The following CHD8 variants were observed in gnomAD, a reference collection of about 807,000 sequenced individuals.
The protein encoded by CHD8 is ATP-dependent chromatin remodeler CHD8.
A neutral mutation model predicts 279.2 loss-of-function variants in CHD8; 31 were observed. The ratio of observed to expected loss-of-function variants is 0.11; its 90% CI spans 0.08 to 0.15. The LOEUF is 0.15. Among genes scored for constraint, CHD8 ranks in the 10% least tolerant of loss-of-function variants. CHD8 has a pLI of 1.00. For synonymous variants in CHD8, 1,081 were observed against 1,139.6 expected, an observed-to-expected ratio of 0.95 and a Z score of 1.04; for missense variants, 2,146 against 3,230.5, an observed-to-expected ratio of 0.66 and a Z score of 8.14.
chr14:21,448,842 C>A (rs1453516557), intron 1 of CHD8, among the ~76,000 whole-genome samples: 11 of 149,118 alleles, frequency 7.4e-5, no homozygotes, highest in Admixed American at 6.7e-4. Flanking sequence ...GGATTACAGG[C>A]GTGAGCCACC....
rs1438749908 is a variant in CHD8, at chr14:21,450,383, C to T, written c.-216+5649G>A. 3.9e-5 allele frequency among the ~76,000 whole-genome samples: 6 copies of T among 152,088 alleles called. No homozygotes were observed. In the South Asian group the frequency reaches 1.2e-3, roughly 32 times the overall value. On this transcript the variant is annotated intron_variant, in intron 1 of 37. Coordinates refer to ENST00000646647, the MANE Select transcript of CHD8 (RefSeq NM_001170629.2). ...AACCATATCCCAAAGAAATAATCCC[C>T]AAAGATATAGTGCATCCCCAAAGCA...
chr14:21,443,705 A>G (rs1890041835), intron 1 of CHD8, among the ~76,000 whole-genome samples: 2 of 151,320 alleles, frequency 1.3e-5, no homozygotes, highest in Admixed American at 6.6e-5. Flanking sequence ...AATAACAGAA[A>G]ATTAGCTAGG....
chr14:21,432,693 G>C (rs145107100), intron 1 of CHD8, among the ~76,000 whole-genome samples: 2 of 152,016 alleles, frequency 1.3e-5, no homozygotes, highest in Non-Finnish European at 2.9e-5. Flanking sequence ...ATAATCTCTC[G>C]CAGCTAAAAT....
At chr14:21,426,735 G>T (rs1594374054) in intron 4 of CHD8, 1 of 152,366 alleles carries the variant, frequency 6.6e-6, no homozygotes, top group South Asian at 2.1e-4. Context: ...GAATCCCAGG[G>T]AGTAAAAGCT....
chr14:21,442,699 G>A (rs1178473072), intron 1 of CHD8, among the ~76,000 whole-genome samples: 1 of 93,862 alleles, frequency 1.1e-5, no homozygotes, highest in Non-Finnish European at 2.1e-5. Context: ...GGGAGGGGAG[G>A]AGAGGAGAGG....
chr14:21,393,573 G>A lies in CHD8; in HGVS notation c.6222C>T (p.Asp2074=), dbSNP rs761132189. ...AAGAAGATGGTGACAGCTTGCTCAA[G>A]TCCAGCTCAGAGTCCGAATCATCCT... ...EDEDDSDSEL[D]LSKLSPSSSS... is the part of the protein sequence containing the mutation. Residue 2074 remains aspartate (D), a synonymous_variant, in exon 32 of 38, where the codon GAC becomes GAT. Coordinates refer to ENST00000646647, the MANE Select transcript of CHD8 (RefSeq NM_001170629.2). The A allele has an allele frequency of 1.7e-5, 27 of 1,612,760 alleles. No homozygotes were observed. The highest frequency in any genetic ancestry group is 2.2e-5 in the Non-Finnish European group (26 of 1,179,434).
At chr14:21,443,284 G>C (rs1287001410) in intron 1 of CHD8, among the ~76,000 whole-genome samples, 1 of 151,990 alleles carries the variant, frequency 6.6e-6, no homozygotes, top group East Asian at 1.9e-4. Context: ...CCAGCTACTT[G>C]GGAGGCTGAG....
At position 21,385,691 on chromosome 14, in the gene CHD8, G is replaced by C; in HGVS notation, c.7668C>G (p.Ser2556Arg). 1 of 1,551,924 alleles carries C rather than the reference G, an allele frequency of 6.4e-7. No homozygotes were observed. Among genetic ancestry groups the C allele is most frequent in the Non-Finnish European group, 8.7e-7 (1 of 1,147,040 alleles). ...CAATGAGTGAGAAGTCCCTTTCTGA[G>C]CTATCATAGCCCTGAGATAAGTCAT... is the stretch of plus-strand genomic sequence containing the variant. The part of the protein sequence containing the change: ...DDDDLSQGYD[S>R]SERDFSLIDD... The change falls in exon 38 of 38, where the codon AGC (serine) becomes AGG (arginine). Residue 2556 changes from serine to arginine, a missense_variant. This residue lies in a region of CHD8 where 336 missense variants were observed against 392.9 expected (regional missense o/e 0.86). Transcript: ENST00000646647.
intron 5 of CHD8, chr14:21,416,375 T>C (rs1285033452): frequency 6.6e-6 from 1 of 152,490 alleles, no homozygotes; most frequent in Non-Finnish European, 1.5e-5. Flanking sequence ...GGAAATGTTT[T>C]CCATATATAT....
Position 21,402,873 on chromosome 14 carries a change from G to C in CHD8, c.3714+144C>G, listed in dbSNP as rs537889409. The C allele has an allele frequency of 4.5e-6, 3 of 666,808 alleles. No homozygotes were observed. The African/African-American group carries it at 5.4e-5, about 12-fold the overall frequency. The allele number at this position is 666,808 out of a possible 1,614,324, so 41.3% of individuals were successfully genotyped here. On this transcript the variant is annotated intron_variant, in intron 18 of 37. Coordinates refer to ENST00000646647, the MANE Select transcript of CHD8 (RefSeq NM_001170629.2). The surrounding 1 kb of genome is among the most constrained non-coding windows in gnomAD (Gnocchi z 4.5). ...TACTGTCTTGTCGTTTACAGAAAAC[G>C]TTTGCTGATTCCCTGACCTAACTGC...
At chr14:21,433,599 T>C (rs1889653099) in intron 1 of CHD8, among the ~76,000 whole-genome samples, 1 of 152,168 alleles carries the variant, frequency 6.6e-6, no homozygotes, top group Non-Finnish European at 1.5e-5. Flanking sequence ...TAAAACAATA[T>C]AATATGGGTT....
chr14:21,431,912 A>G (rs1204672021), intron 1 of CHD8, 54 bp from the exon 2 acceptor site: 1 of 1,251,774 alleles, frequency 8.0e-7, no homozygotes, highest in Non-Finnish European at 1.2e-6. Flanking sequence ...GCGATCTCAG[A>G]GAAAATTTTC....
In CHD8 at chr14:21,408,364, A is replaced by G; in HGVS notation, c.2678T>C (p.Leu893Pro). The change falls in exon 13 of 38, where the codon CTG (leucine) becomes CCG (proline). Residue 893 changes from leucine to proline, a missense_variant. Around this residue, in one of 26 missense-constraint regions of CHD8, gnomAD observed 211 missense variants for 464.7 expected, o/e 0.45. Coordinates refer to ENST00000646647, the MANE Select transcript of CHD8 (RefSeq NM_001170629.2). The surrounding 1 kb of genome is among the most constrained non-coding windows in gnomAD (Gnocchi z 4.3). The stretch of plus-strand genomic sequence containing the variant: ...CTGTTGAATCATCTGCCTGCTGGCC[A>G]GACTGCCATGGTACACAATAGTGTT... The part of the protein sequence containing the change: ...EMNTIVYHGS[L>P]ASRQMIQQYE... 6.2e-7 allele frequency: 1 copy of G among 1,614,020 alleles called. No individual in the cohort carries two copies. Among genetic ancestry groups the G allele is most frequent in the Non-Finnish European group, 8.5e-7 (1 of 1,179,892 alleles).
rs571114390 is a variant in CHD8 at position 21,401,883 on chromosome 14, G to A, written c.4062+74C>T. 9 of 1,384,074 alleles carry A rather than the reference G, an allele frequency of 6.5e-6. No individual in the cohort carries two copies. In the African/African-American group the frequency reaches 1.0e-4, roughly 16 times the overall value. 85.7% of individuals were successfully genotyped at this position (1,384,074 alleles called of 1,614,324 possible). A position where few individuals can be genotyped will look rare whatever the true frequency, so the allele number is the denominator to read the frequency against. On this transcript the variant is annotated intron_variant, in intron 20 of 37. Transcript: ENST00000646647. ...ATATAGGCATGAGCCACCATCCCCA[G>A]CATAAAAACATAATTAAATCCTAGA...
intron 1 of CHD8, among the ~76,000 whole-genome samples, chr14:21,448,970 C>G (rs1383989145): frequency 1.3e-5 from 2 of 151,514 alleles, no homozygotes; most frequent in South Asian, 2.1e-4. Flanking sequence ...GTCAGGAGAT[C>G]GAGACCATCC....
At chr14:21,446,544 C>G (rs1215326307) in intron 1 of CHD8, among the ~76,000 whole-genome samples, 1 of 152,180 alleles carries the variant, frequency 6.6e-6, no homozygotes, top group Non-Finnish European at 1.5e-5. Flanking sequence ...CTCCTGGCCT[C>G]AAGTGATCGG....
intron 1 of CHD8, among the ~76,000 whole-genome samples, chr14:21,433,125 T>C (rs891639078): frequency 1.3e-5 from 2 of 152,220 alleles, no homozygotes; most frequent in Non-Finnish European, 2.9e-5. Flanking sequence ...ATAGCACATA[T>C]AGTAGCTAAT....
intron 1 of CHD8, among the ~76,000 whole-genome samples, chr14:21,450,740 A>AT (rs1890238034): frequency 6.6e-6 from 1 of 152,210 alleles, no homozygotes; most frequent in Admixed American, 6.6e-5. Context: ...CTCAAATAAA[A>AT]TTAAGAATTC....
intron 27 of CHD8, among the ~76,000 whole-genome samples, chr14:21,396,432 G>C (rs1887788648): frequency 7.2e-6 from 1 of 138,352 alleles, no homozygotes. Flanking sequence ...TCAGCCTCCT[G>C]AGTAGCTGGG....
Sources: allele counts gnomAD v4.1 joint callset (sites outside exome capture counted in the v4.1 genomes callset), GRCh38; gene constraint gnomAD v4.1.1; regional missense constraint gnomAD v4.1.1; non-coding constraint Gnocchi (gnomAD v3.1); transcripts MANE v1.5; gene names NCBI Gene and HGNC (gene_info 2026-07-23, HGNC 2026-07-21).